Variants in NOX3 observed in about 807,000 individuals in gnomAD.
NOX3 encodes the protein NADPH oxidase catalytic subunit-like 3.
Under a neutral mutation model 76.7 loss-of-function variants are expected in NOX3, and 74 were observed. That is an observed-to-expected ratio of 0.96 (90% confidence interval 0.80 to 1.17). The LOEUF is 1.17. Ranked by LOEUF, NOX3 falls within the 50% of genes most tolerant of loss-of-function variation. The pLI is 0.00. For synonymous variants in NOX3, 263 were observed against 261.1 expected (o/e 1.01, Z -0.07); for missense variants, 695 against 703.3 (o/e 0.99, Z 0.13).
chr6:155,422,648 T>C, intron 10 of NOX3, 46 bp downstream of exon 10: 2 of 1,586,842 alleles, frequency 1.3e-6, no homozygotes, highest in Non-Finnish European at 1.7e-6. Flanking sequence ...ATAAGGACAT[T>C]GAACCTTTTA....
rs191254188 is a variant in NOX3, at chr6:155,448,889, C to T, written c.340+4515G>A. ...ACAAGGACCCAGGGACAGATTCTGGCTCTGCTTCTGCAGCCAGAATTTGGC... is the reference window on the plus strand; with the variant it reads ...ACAAGGACCCAGGGACAGATTCTGGTTCTGCTTCTGCAGCCAGAATTTGGC... On this transcript the variant is annotated intron_variant, in intron 4 of 13. Coordinates refer to ENST00000159060, the MANE Select transcript of NOX3 (RefSeq NM_015718.3). 2.1e-3 allele frequency among the ~76,000 whole-genome samples: 314 copies of T among 152,262 alleles called. 1 individual carries two copies. Among genetic ancestry groups the T allele is most frequent in the South Asian group, 6.4e-3 (31 of 4,822 alleles).
At chr6:155,435,590 T>A (rs1776894116) in intron 7 of NOX3, among the ~76,000 whole-genome samples, 1 of 152,182 alleles carries the variant, frequency 6.6e-6, no homozygotes, top group East Asian at 1.9e-4. Context: ...TCCTAAATCT[T>A]CATCATTTGT....
intron 4 of NOX3, among the ~76,000 whole-genome samples, chr6:155,450,342 C>G (rs1271161660): frequency 6.6e-6 from 1 of 152,176 alleles, no homozygotes; most frequent in Non-Finnish European, 1.5e-5. Context: ...GAATCTTTTC[C>G]CTCCCCACAC....
intron 9 of NOX3, among the ~76,000 whole-genome samples, chr6:155,424,339 A>C (rs1238752040): frequency 6.6e-6 from 1 of 152,204 alleles, no homozygotes; most frequent in South Asian, 2.1e-4. Context: ...GCACTCCCTG[A>C]CATGAAGTTG....
At chr6:155,422,566 A>G in intron 10 of NOX3, 128 bp downstream of exon 10, 1 of 805,322 alleles carries the variant, frequency 1.2e-6, no homozygotes, top group Non-Finnish European at 2.0e-6. Flanking sequence ...GAACATAAGT[A>G]TAGTTAAGGA....
At chr6:155,446,180 T>A (rs957981418) in intron 4 of NOX3, among the ~76,000 whole-genome samples, 4 of 151,790 alleles carry the variant, frequency 2.6e-5, no homozygotes, top group Non-Finnish European at 5.9e-5. Flanking sequence ...CCTCCCTAGG[T>A]GCTTTGTCAA....
At chr6:155,399,664 G>A (rs1282958512) in intron 12 of NOX3, among the ~76,000 whole-genome samples, 1 of 151,896 alleles carries the variant, frequency 6.6e-6, no homozygotes, top group Non-Finnish European at 1.5e-5. Flanking sequence ...TGTCACAAAT[G>A]CATACTGTGA....
chr6:155,405,549 C>T (rs1776439848), intron 12 of NOX3, among the ~76,000 whole-genome samples: 1 of 152,238 alleles, frequency 6.6e-6, no homozygotes, highest in East Asian at 1.9e-4. Context: ...TCCAAAATTC[C>T]ACGTGGATGT....
chr6:155,395,851 T>A (rs1190837569), intron 13 of NOX3, among the ~76,000 whole-genome samples: 1 of 151,884 alleles, frequency 6.6e-6, no homozygotes, highest in East Asian at 1.9e-4. Context: ...GGAGTATAAG[T>A]GTTAAGAAGA....
intron 7 of NOX3, among the ~76,000 whole-genome samples, chr6:155,433,117 G>A (rs569761963): frequency 1.3e-5 from 2 of 152,284 alleles, no homozygotes; most frequent in South Asian, 2.1e-4. Context: ...AATCAGACAC[G>A]ATCTCTGATA....
chr6:155,445,970 A>C (rs1194187859), intron 4 of NOX3, among the ~76,000 whole-genome samples: 3 of 91,030 alleles, frequency 3.3e-5, no homozygotes, highest in Non-Finnish European at 4.1e-5. Context: ...TATATATATA[A>C]TATATATATG....
chr6:155,401,625 A>G (rs163005), intron 12 of NOX3, among the ~76,000 whole-genome samples: 51,432 of 152,036 alleles, frequency 0.34, 11,419 homozygotes, highest in African/African-American at 0.63. Flanking sequence ...TGAAAACAAT[A>G]GGTGGTCTAA....
At chr6:155,418,305 T>C (rs1194433850) in intron 10 of NOX3, among the ~76,000 whole-genome samples, 1 of 152,180 alleles carries the variant, frequency 6.6e-6, no homozygotes, top group East Asian at 1.9e-4. Context: ...GAGGACTTTA[T>C]TGCTAGAGGG....
rs1298340438 is a variant in NOX3 at position 155,450,501 on chromosome 6, T to G, written c.340+2903A>C. ...CACCAAATTTCTTGAGGACCTCCTG[T>G]GCGCCAGGGACCAGGGCAGCCAAGA... On this transcript the variant is annotated intron_variant, in intron 4 of 13. Transcript: ENST00000159060. Among the ~76,000 whole-genome samples the G allele has an allele frequency of 2.0e-5, 3 of 152,158 alleles. No homozygotes were observed. In the East Asian group the frequency reaches 5.8e-4, roughly 29 times the overall value.
At chr6:155,434,321 A>C (rs1776873851) in intron 7 of NOX3, among the ~76,000 whole-genome samples, 1 of 152,214 alleles carries the variant, frequency 6.6e-6, no homozygotes, top group African/African-American at 2.4e-5. Context: ...TAAATGACAT[A>C]AAGTGCTTCT....
intron 4 of NOX3, among the ~76,000 whole-genome samples, chr6:155,448,367 A>G (rs1198628778): frequency 6.6e-6 from 1 of 152,188 alleles, no homozygotes; most frequent in Middle Eastern, 3.2e-3. Context: ...AGTAAATCCA[A>G]CGCCATTAGC....
Position 155,422,792 on chromosome 6 carries a change from A to G in NOX3, c.1210T>C (p.Cys404Arg). The G allele has an allele frequency of 6.2e-7, 1 of 1,613,518 alleles. No individual in the cohort carries two copies. The highest frequency in any genetic ancestry group is 8.5e-7 in the Non-Finnish European group (1 of 1,179,420). ...TDVFHYPVCV[C>R]VAAGIGVTPF... is the part of the protein sequence containing the mutation. Reference sequence around the variant, plus strand: ...GTGACTCCGATCCCCGCGGCAACGCACACACACACTGGGTAGTGAAATACA... The same window carrying G: ...GTGACTCCGATCCCCGCGGCAACGCGCACACACACTGGGTAGTGAAATACA... Residue 404 changes from cysteine (C) to arginine (R), a missense_variant, in exon 10 of 14, where the codon TGC becomes CGC. Cys to Arg is a radical substitution (Grantham distance 180, BLOSUM62 -3). Coordinates refer to ENST00000159060, the MANE Select transcript of NOX3 (RefSeq NM_015718.3).
At chr6:155,419,469 T>C (rs1215135478) in intron 10 of NOX3, among the ~76,000 whole-genome samples, 2 of 152,162 alleles carry the variant, frequency 1.3e-5, no homozygotes, top group East Asian at 3.8e-4. Flanking sequence ...AGCTAGGAGA[T>C]TAGGACCTTT....
chr6:155,437,938 T>C (rs1776932669), intron 6 of NOX3, among the ~76,000 whole-genome samples: 1 of 152,218 alleles, frequency 6.6e-6, no homozygotes, highest in Admixed American at 6.5e-5. Flanking sequence ...GAAGATTAAA[T>C]GAGGCCCTTA....
Sources: gnomAD v4.1 joint callset for allele counts (sites outside exome capture counted in the v4.1 genomes callset) on GRCh38, gnomAD v4.1.1 for gene constraint, MANE v1.5 for transcripts, NCBI Gene and HGNC (gene_info 2026-07-23, HGNC 2026-07-21) for gene names.